The following LCN15 variants were observed in gnomAD, a reference collection of about 807,000 sequenced individuals.
LCN15 encodes lipocalin 15.
A neutral mutation model predicts 23.1 loss-of-function variants in LCN15; 26 were observed. That is an observed-to-expected ratio of 1.13 (90% confidence interval 0.82 to 1.56). The LOEUF (loss-of-function observed/expected upper bound fraction) is 1.56. LCN15 is among the 40% of genes most tolerant of loss of function. The probability of loss-of-function intolerance (pLI) is 0.00; values close to 1 mark genes in which losing one functional copy is unlikely to be tolerated. For missense variants in LCN15, 241 were observed against 239.5 expected (o/e 1.01, Z -0.04); for synonymous variants, 107 against 98.3 (o/e 1.09, Z -0.52).
At position 136,762,217 on chromosome 9, in the gene LCN15, T is replaced by G; in HGVS notation, c.491A>C (p.Lys164Thr). 6.3e-7 allele frequency: 1 copy of G among 1,598,460 alleles called. No individual in the cohort carries two copies. Among genetic ancestry groups the G allele is most frequent in the Non-Finnish European group, 8.5e-7 (1 of 1,173,286 alleles). Residue 164 changes from lysine (K) to threonine (T), a missense_variant, in exon 5 of 7, where the codon AAG (lysine) becomes ACG (threonine). Physicochemically the swap from Lys to Thr is moderately conservative, Grantham distance 78. Coordinates refer to ENST00000316144, the MANE Select transcript of LCN15 (RefSeq NM_203347.2). ...CTGGGGCAGCATGACCATCATGTCC[T>G]TGGGGAGCCCCAGGGTCGGGTAGAA... The part of the protein sequence containing the change: ...QDFYPTLGLP[K>T]DMMVMLPQSD...
At chr9:136,762,893 A>G (rs949605665) in intron 4 of LCN15, among the ~76,000 whole-genome samples, 1 of 144,054 alleles carries the variant, frequency 6.9e-6, no homozygotes, top group Non-Finnish European at 1.5e-5. Context: ...ACTGCACTCC[A>G]GCCTGGGCGA....
rs367993266 is a variant in LCN15 at position 136,763,860 on chromosome 9, A to T, written c.236+10T>A. The T allele has an allele frequency of 1.1e-4, 185 of 1,613,304 alleles. No homozygotes were observed. Among genetic ancestry groups the T allele is most frequent in the Non-Finnish European group, 1.4e-4 (170 of 1,179,834 alleles). On this transcript the variant is annotated intron_variant, in intron 2 of 6. Transcript: ENST00000316144. ...AGCCCAGCCCAGGCAGCCCAGCCCA[A>T]GTAACTCACCCCGGGAACTCCATGT...
In LCN15 at chr9:136,760,238, A is replaced by G. The variant is rs542980031; in HGVS notation, c.*33-455T>C. Among the ~76,000 whole-genome samples the G allele has an allele frequency of 7.2e-5, 11 of 152,320 alleles. No individual in the cohort carries two copies. In the East Asian group the frequency reaches 1.9e-3, roughly 27 times the overall value. On this transcript the variant is annotated intron_variant, in intron 6 of 6. Transcript: ENST00000316144. Reference sequence around the variant, plus strand: ...CAAGATCATGGCGGGATGGGGCTACATGTTCTGCCCACAGAACCTTCTGGA... The same window carrying G: ...CAAGATCATGGCGGGATGGGGCTACGTGTTCTGCCCACAGAACCTTCTGGA...
At chr9:136,760,531 T>C (rs372823583) in intron 6 of LCN15, among the ~76,000 whole-genome samples, 1 of 151,794 alleles carries the variant, frequency 6.6e-6, no homozygotes, top group East Asian at 1.9e-4. Flanking sequence ...GAAGGGCCAG[T>C]GTCCCTCCAG....
At position 136,761,798 on chromosome 9, in the gene LCN15, G is replaced by A. The variant is rs377583752; in HGVS notation, c.*21C>T. 1.6e-5 allele frequency: 21 copies of A among 1,280,308 alleles called. No individual in the cohort carries two copies. Among genetic ancestry groups the A allele is most frequent in the African/African-American group, 1.1e-4 (7 of 65,730 alleles). 79.3% of individuals were successfully genotyped at this position (1,280,308 alleles called of 1,614,324 possible). Reference sequence around the variant, plus strand: ...CCTGGAGAACCCACCTGGGAAGGGCGGGGGTGGGGCTCCGGAGGTGTCAGG... The same window carrying A: ...CCTGGAGAACCCACCTGGGAAGGGCAGGGGTGGGGCTCCGGAGGTGTCAGG... On this transcript the variant is annotated 3_prime_UTR_variant, in exon 6 of 7. Transcript: ENST00000316144. This position sits in a 1 kb window ranked among gnomAD's most constrained non-coding sequence, Gnocchi z 4.2.
Position 136,762,216 on chromosome 9 carries a change from C to A in LCN15, c.492G>T (p.Lys164Asn), listed in dbSNP as rs765273930. Reference sequence around the variant, plus strand: ...ACTGGGGCAGCATGACCATCATGTCCTTGGGGAGCCCCAGGGTCGGGTAGA... The same window carrying A: ...ACTGGGGCAGCATGACCATCATGTCATTGGGGAGCCCCAGGGTCGGGTAGA... ...QDFYPTLGLPKDMMVMLPQSD... is the reference protein window; with the variant it reads ...QDFYPTLGLPNDMMVMLPQSD... Residue 164 changes from lysine to asparagine, a missense_variant, in exon 5 of 7, where the codon AAG becomes AAT. Transcript: ENST00000316144. The A allele has an allele frequency of 3.4e-5, 55 of 1,597,960 alleles. No homozygotes were observed. Among genetic ancestry groups the A allele is most frequent in the Non-Finnish European group, 4.1e-5 (48 of 1,173,112 alleles).
Position 136,763,715 on chromosome 9 carries a change from G to T in LCN15, c.305C>A (p.Pro102Gln), listed in dbSNP as rs1031075858. The T allele has an allele frequency of 2.5e-6, 4 of 1,613,098 alleles. No homozygotes were observed. Among genetic ancestry groups the T allele is most frequent in the Non-Finnish European group, 3.4e-6 (4 of 1,179,890 alleles). The change falls in exon 3 of 7, where the codon CCG becomes CAG. Residue 102 changes from proline (P) to glutamine (Q), a missense_variant and splice_region_variant. Pro to Gln is a moderately conservative substitution (Grantham distance 76). Coordinates refer to ENST00000316144, the MANE Select transcript of LCN15 (RefSeq NM_203347.2). ...AAGGCAGAGGAGGCAGGACCTACCC[G>T]GGACTCTGAAGTGTCCCTCGGAGCC... Reference protein sequence around the residue: ...KVGSEGHFRVPALGYLDVRIV... With the variant: ...KVGSEGHFRVQALGYLDVRIV...
At position 136,762,184 on chromosome 9, in the gene LCN15, G is replaced by T; in HGVS notation, c.520+4C>A. ...CATGGGGTGGGCGGGGCTTGCCAGG[G>T]TACCTGACTGGGGCAGCATGACCAT... On this transcript the variant is annotated splice_donor_region_variant and intron_variant, in intron 5 of 6. Transcript: ENST00000316144. 13 of 1,560,796 alleles carry T rather than the reference G, an allele frequency of 8.3e-6. No homozygotes were observed. Among genetic ancestry groups the T allele is most frequent in the Non-Finnish European group, 1.1e-5 (13 of 1,153,292 alleles).
intron 3 of LCN15, 53 bp downstream of exon 3, chr9:136,763,659 AC>A (rs1169213527): frequency 1.3e-6 from 2 of 1,587,290 alleles, no homozygotes; most frequent in African/African-American, 2.7e-5. Context: ...GCCCCACGTC[AC>A]CCCCAGAGAA....
Position 136,762,244 on chromosome 9 carries a change from T to A in LCN15, c.464A>T (p.Asp155Val), listed in dbSNP as rs1275831878. ...GGGGAGCCCCAGGGTCGGGTAGAAG[T>A]CCTGGAAGGACTTCAGAGCCTGGGG... ...VSPQALKSFQ[D>V]FYPTLGLPKD... Residue 155 changes from aspartate (D) to valine (V), a missense_variant, in exon 5 of 7, where the codon GAC becomes GTC. Asp to Val is a radical substitution (Grantham distance 152, BLOSUM62 -3). Transcript: ENST00000316144. The A allele has an allele frequency of 1.2e-6, 2 of 1,600,008 alleles. No homozygotes were observed. The highest frequency in any genetic ancestry group is 2.7e-5 in the African/African-American group (2 of 74,398).
chr9:136,760,305 C>T (rs896382321), intron 6 of LCN15, among the ~76,000 whole-genome samples: 4 of 152,220 alleles, frequency 2.6e-5, no homozygotes, highest in Admixed American at 1.3e-4. Flanking sequence ...CCCAACCCAG[C>T]GGGGGTGTGC....
intron 1 of LCN15, 57 bp from the exon 2 acceptor site, chr9:136,764,066 C>T: frequency 6.3e-7 from 1 of 1,586,900 alleles, no homozygotes; most frequent in Non-Finnish European, 8.6e-7. Context: ...GCCCTCCTTG[C>T]CCAGGGACCC....
intron 3 of LCN15, 52 bp from the exon 4 acceptor site, chr9:136,763,519 C>T (rs2131100689): frequency 1.5e-6 from 2 of 1,341,986 alleles, no homozygotes; most frequent in South Asian, 2.6e-5. Context: ...TGGGCCCGGG[C>T]ACCGACCCCA....
chr9:136,763,116 A>G (rs1450979948), intron 4 of LCN15, among the ~76,000 whole-genome samples: 1 of 150,884 alleles, frequency 6.6e-6, no homozygotes. Flanking sequence ...TGGCCAGGCC[A>G]GGAGTGTGTG....
Position 136,762,198 on chromosome 9 carries a change from C to T in LCN15, c.510G>A (p.Leu170=). Residue 170 remains leucine (L), a synonymous_variant, in exon 5 of 7, where the codon CTG becomes CTA. Transcript: ENST00000316144. ...GGCTTGCCAGGGTACCTGACTGGGG[C>T]AGCATGACCATCATGTCCTTGGGGA... ...LGLPKDMMVM[L]PQSDACNPES... 2 of 1,585,894 alleles carry T rather than the reference C, an allele frequency of 1.3e-6. No individual in the cohort carries two copies. The highest frequency in any genetic ancestry group is 2.3e-5 in the East Asian group (1 of 42,980).
chr9:136,763,505 T>A, intron 3 of LCN15, 38 bp from the exon 4 acceptor site: 1 of 1,452,424 alleles, frequency 6.9e-7, no homozygotes, highest in Non-Finnish European at 9.4e-7. Flanking sequence ...GCTGGAGAAG[T>A]GGATGGGCCC....
At chr9:136,760,547 G>C (rs1438330818) in intron 6 of LCN15, among the ~76,000 whole-genome samples, 3 of 152,180 alleles carry the variant, frequency 2.0e-5, no homozygotes, top group Non-Finnish European at 2.9e-5. Flanking sequence ...TCCAGACGCC[G>C]GTGACTGTCA....
chr9:136,762,631 G>A (rs1250634558), intron 4 of LCN15, among the ~76,000 whole-genome samples: 1 of 152,170 alleles, frequency 6.6e-6, no homozygotes, highest in Non-Finnish European at 1.5e-5. Context: ...AGCCGGCGCG[G>A]TGGCTCACGC....
In LCN15 at chr9:136,761,897, G is replaced by A. The variant is rs373762460; in HGVS notation, c.521-44C>T. ...CCGTGAGATGCTGACGGCCAGGACC[G>A]CCCTCGCTTCCCGCAGCCCCCAACC... On this transcript the variant is annotated intron_variant, in intron 5 of 6. Transcript: ENST00000316144. This position sits in a 1 kb window ranked among gnomAD's most constrained non-coding sequence, Gnocchi z 4.2. The A allele has an allele frequency of 2.4e-5, 32 of 1,319,584 alleles. No individual in the cohort carries two copies. Among genetic ancestry groups the A allele is most frequent in the East Asian group, 3.1e-5 (1 of 32,610 alleles). The allele number at this position is 1,319,584 out of a possible 1,614,324, so 81.7% of individuals were successfully genotyped here.
Sources: allele counts gnomAD v4.1 joint callset (sites outside exome capture counted in the v4.1 genomes callset), GRCh38; gene constraint gnomAD v4.1.1; non-coding constraint Gnocchi (gnomAD v3.1); transcripts MANE v1.5; gene names NCBI Gene and HGNC (gene_info 2026-07-23, HGNC 2026-07-21).